Variants in CDH13 observed in about 807,000 individuals in gnomAD.
The protein encoded by CDH13 is cadherin-13.
CDH13 carries 24 observed loss-of-function variants against 63.8 expected under a neutral mutation model. The ratio of observed to expected loss-of-function variants is 0.38; its 90% CI spans 0.27 to 0.53. The LOEUF (loss-of-function observed/expected upper bound fraction) is 0.53, where lower values mean the gene tolerates loss of function less well. Ranked by LOEUF, CDH13 falls within the 20% of genes least tolerant of loss-of-function variation. CDH13 has a pLI of 0.85. For missense variants in CDH13, 1,049 were observed against 903.1 expected (o/e 1.16, Z -2.07); for synonymous variants, 503 against 355.3 (o/e 1.42, Z -4.67).
rs374193553 is a variant in CDH13, at chr16:82,717,166, C to T, written c.45+90029C>T. ...GGACATGAATTGAGCACAGGCTGGT[C>T]CTCCTGAGCCCTGGCCCAACAAGGC... On this transcript the variant is annotated intron_variant, in intron 1 of 13. Coordinates refer to ENST00000567109, the MANE Select transcript of CDH13 (RefSeq NM_001257.5). 3.1e-4 allele frequency among the ~76,000 whole-genome samples: 47 copies of T among 152,180 alleles called. No homozygotes were observed. In the East Asian group the frequency reaches 5.0e-3, roughly 16 times the overall value.
intron 2 of CDH13, among the ~76,000 whole-genome samples, chr16:82,965,372 T>C: frequency 6.6e-6 from 1 of 152,360 alleles, no homozygotes. Flanking sequence ...AGTTTGGTTT[T>C]ATTCTCATTT....
intron 7 of CDH13, among the ~76,000 whole-genome samples, chr16:83,577,860 T>G (rs547646029): frequency 6.6e-6 from 1 of 152,222 alleles, no homozygotes; most frequent in African/African-American, 2.4e-5. Flanking sequence ...GAACATTGCA[T>G]AACTACATCA....
At chr16:82,909,866 C>T (rs531362461) in intron 2 of CDH13, among the ~76,000 whole-genome samples, 6 of 152,260 alleles carry the variant, frequency 3.9e-5, no homozygotes, top group African/African-American at 1.4e-4. Context: ...CATTTCTTCC[C>T]AATTTTTGCC....
chr16:82,854,026 A>G (rs166980), intron 1 of CDH13, among the ~76,000 whole-genome samples: 97,531 of 152,010 alleles, frequency 0.64, 32,123 homozygotes, highest in East Asian at 0.89. Context: ...TCCCCTTACC[A>G]AAGTTACTGT....
chr16:83,397,714 G>T (rs2091908859), intron 6 of CDH13, among the ~76,000 whole-genome samples: 1 of 152,182 alleles, frequency 6.6e-6, no homozygotes, highest in African/African-American at 2.4e-5. Flanking sequence ...AAGTAAAGAT[G>T]GAGTTGTTTA....
intron 7 of CDH13, among the ~76,000 whole-genome samples, chr16:83,497,438 A>G (rs8061522): frequency 0.98 from 148,268 of 150,688 alleles, 72,975 homozygotes; most frequent in East Asian, 1. Flanking sequence ...GCATATTCTC[A>G]CTCATAGGTG....
intron 5 of CDH13, among the ~76,000 whole-genome samples, chr16:83,260,217 T>A (rs1474231156): frequency 6.6e-6 from 1 of 151,952 alleles, no homozygotes; most frequent in Non-Finnish European, 1.5e-5. Flanking sequence ...TACTGTCGCT[T>A]GTTACTTAAA....
intron 6 of CDH13, among the ~76,000 whole-genome samples, chr16:83,425,181 A>G (rs1419188314): frequency 6.6e-6 from 1 of 152,206 alleles, no homozygotes; most frequent in East Asian, 1.9e-4. Flanking sequence ...ACCTGAATGG[A>G]ACAGCTGGAA....
intron 2 of CDH13, among the ~76,000 whole-genome samples, chr16:82,999,109 C>T (rs913684206): frequency 1.3e-5 from 2 of 152,094 alleles, no homozygotes; most frequent in African/African-American, 4.8e-5. Context: ...TGAAAGCATC[C>T]CTCTTCTTGT....
Position 82,806,325 on chromosome 16 carries a change from G to A in CDH13, c.46-52037G>A, listed in dbSNP as rs1316424274. 2.0e-5 allele frequency among the ~76,000 whole-genome samples: 3 copies of A among 152,074 alleles called. No homozygotes were observed. The East Asian group carries it at 5.8e-4, about 29-fold the overall frequency. Reference sequence around the variant, plus strand: ...CAGGGAGTCTTTATCTAGATAATAGGTCGAGTAACCTGGACCACAGTCCAT... The same window carrying A: ...CAGGGAGTCTTTATCTAGATAATAGATCGAGTAACCTGGACCACAGTCCAT... On this transcript the variant is annotated intron_variant, in intron 1 of 13. Coordinates refer to ENST00000567109, the MANE Select transcript of CDH13 (RefSeq NM_001257.5).
intron 2 of CDH13, among the ~76,000 whole-genome samples, chr16:82,906,670 G>A (rs568549021): frequency 6.6e-6 from 1 of 152,268 alleles, no homozygotes; most frequent in Non-Finnish European, 1.5e-5. Context: ...CAACAGAAAT[G>A]TGTTTTCTCA....
At chr16:83,083,657 A>T (rs1232390350) in intron 3 of CDH13, among the ~76,000 whole-genome samples, 3 of 152,344 alleles carry the variant, frequency 2.0e-5, no homozygotes, top group South Asian at 2.1e-4. Flanking sequence ...CAACTCGCAG[A>T]GAAACTCGAT....
rs56139939 is a variant in CDH13 at position 83,786,956 on chromosome 16, C to G, written c.2134+3484C>G. On this transcript the variant is annotated intron_variant, in intron 13 of 13. Transcript: ENST00000567109. ...GGTAAAATTGCCTATGTTTCTCTGC[C>G]CAATTTTATTTTCTGTTCTCTCTCC... Among the ~76,000 whole-genome samples, 562 of 152,178 alleles carry G rather than the reference C, an allele frequency of 3.7e-3. 2 individuals carry two copies. The highest frequency in any genetic ancestry group is 8.8e-3 in the Admixed American group (135 of 15,264).
intron 8 of CDH13, among the ~76,000 whole-genome samples, chr16:83,656,293 C>G (rs913407010): frequency 4.6e-5 from 7 of 152,128 alleles, no homozygotes; most frequent in African/African-American, 1.7e-4. Flanking sequence ...TGGTGGTGCT[C>G]TTTGCCAAGA....
At chr16:83,584,346 G>A (rs959271204) in intron 7 of CDH13, among the ~76,000 whole-genome samples, 6 of 152,124 alleles carry the variant, frequency 3.9e-5, no homozygotes, top group African/African-American at 1.4e-4. Flanking sequence ...TTTAAAAAAT[G>A]CATGGTTTTT....
At chr16:83,485,022 C>T (rs1213089395) in intron 6 of CDH13, among the ~76,000 whole-genome samples, 1 of 152,202 alleles carries the variant, frequency 6.6e-6, no homozygotes, top group Non-Finnish European at 1.5e-5. Context: ...CCCAAACATT[C>T]CTCAACCTAA....
intron 3 of CDH13, among the ~76,000 whole-genome samples, chr16:83,056,960 CTTTT>C (rs2031009737): frequency 6.6e-6 from 1 of 151,938 alleles, no homozygotes; most frequent in African/African-American, 2.4e-5. Flanking sequence ...CTTTTTTACT[CTTTT>C]TTGTTTGTTT....
At chr16:83,538,962 A>T (rs1300735996) in intron 7 of CDH13, among the ~76,000 whole-genome samples, 1 of 152,206 alleles carries the variant, frequency 6.6e-6, no homozygotes, top group East Asian at 1.9e-4. Flanking sequence ...ACTTGAACCC[A>T]TATAAACAGT....
intron 2 of CDH13, chr16:82,884,222 C>T: frequency 2.2e-6 from 1 of 455,646 alleles, no homozygotes; most frequent in Non-Finnish European, 4.4e-6. Flanking sequence ...AAAGTAGAGG[C>T]CACTTTTAAA....
Sources: allele counts gnomAD v4.1 joint callset (sites outside exome capture counted in the v4.1 genomes callset), GRCh38; gene constraint gnomAD v4.1.1; transcripts MANE v1.5; gene names NCBI Gene and HGNC (gene_info 2026-07-23, HGNC 2026-07-21).